Variants in C12orf42 observed in about 807,000 individuals in gnomAD.
C12orf42 encodes the protein chromosome 12 open reading frame 42.
Under a neutral mutation model 21.6 loss-of-function variants are expected in C12orf42, and 25 were observed. The ratio of observed to expected loss-of-function variants is 1.16; its 90% CI spans 0.84 to 1.62. The LOEUF is 1.62. C12orf42 is among the 40% of genes most tolerant of loss of function. C12orf42 has a pLI of 0.00. For synonymous variants in C12orf42, 174 were observed against 175.0 expected, an observed-to-expected ratio of 0.99 and a Z score of 0.05; for missense variants, 483 against 459.3, an observed-to-expected ratio of 1.05 and a Z score of -0.47.
the C12orf42 span, among the ~76,000 whole-genome samples, chr12:103,519,067 A>G: frequency 6.6e-6 from 1 of 152,072 alleles, no homozygotes; most frequent in Non-Finnish European, 1.5e-5. Flanking sequence ...CATGATAGTG[A>G]GTGAGTTCTT....
the C12orf42 span, among the ~76,000 whole-genome samples, chr12:103,145,542 GC>G: frequency 2.3e-4 from 35 of 152,174 alleles, no homozygotes; most frequent in Admixed American, 5.9e-4. Context: ...AATTGATACA[GC>G]CTATGCCATG....
chr12:103,470,259 C>G (rs900045642), intron 2 of C12orf42, among the ~76,000 whole-genome samples: 2 of 152,204 alleles, frequency 1.3e-5, no homozygotes, highest in Non-Finnish European at 2.9e-5. Flanking sequence ...GTGGTCCTGA[C>G]ATCTGGCAGC....
the C12orf42 span, among the ~76,000 whole-genome samples, chr12:103,099,532 A>T: frequency 6.6e-6 from 1 of 152,222 alleles, no homozygotes; most frequent in Non-Finnish European, 1.5e-5. Flanking sequence ...AAGAATTTTT[A>T]TCACTTTGAC....
the C12orf42 span, among the ~76,000 whole-genome samples, chr12:103,546,794 T>C: frequency 6.6e-6 from 1 of 152,184 alleles, no homozygotes; most frequent in Non-Finnish European, 1.5e-5. Context: ...AGGAAAGATT[T>C]TCTGACCCTC....
At chr12:103,368,743 A>C (rs1380612701) in intron 4 of C12orf42, 144 bp downstream of exon 4, 1 of 532,778 alleles carries the variant, frequency 1.9e-6, no homozygotes, top group African/African-American at 1.9e-5. Flanking sequence ...TACTAACTTC[A>C]TGAGCCAATG....
chr12:103,361,775 A>ATGT (rs2044136412), intron 4 of C12orf42, among the ~76,000 whole-genome samples: 1 of 151,988 alleles, frequency 6.6e-6, no homozygotes, highest in South Asian at 2.1e-4. Context: ...CAGCAGAGGC[A>ATGT]GCCATAATCT....
chr12:103,439,568 A>G (rs1303745465), intron 2 of C12orf42, among the ~76,000 whole-genome samples: 2 of 137,862 alleles, frequency 1.5e-5, no homozygotes, highest in East Asian at 2.2e-4. Context: ...CAAGAAAAAA[A>G]CAAACAACCC....
At chr12:103,279,977 A>G (rs1337248047) in intron 4 of C12orf42, among the ~76,000 whole-genome samples, 1 of 152,186 alleles carries the variant, frequency 6.6e-6, no homozygotes, top group Non-Finnish European at 1.5e-5. Flanking sequence ...GTTGATCAGG[A>G]AACATTTATT....
chr12:103,154,566 A>T, the C12orf42 span, among the ~76,000 whole-genome samples: 1 of 152,178 alleles, frequency 6.6e-6, no homozygotes. Context: ...AAATATCAGT[A>T]ACATGGAAAA....
chr12:103,525,798 G>A, the C12orf42 span, among the ~76,000 whole-genome samples: 11 of 152,132 alleles, frequency 7.2e-5, no homozygotes. Flanking sequence ...GAGAGGCCAA[G>A]GCAGATGAAT....
At chr12:103,278,648 G>A (rs541119322) in intron 4 of C12orf42, among the ~76,000 whole-genome samples, 58 of 152,350 alleles carry the variant, frequency 3.8e-4, no homozygotes, top group African/African-American at 1.3e-3. Context: ...TGAAACAGCA[G>A]GCAGGAGAGA....
chr12:103,114,264 G>A, the C12orf42 span, among the ~76,000 whole-genome samples: 2 of 152,200 alleles, frequency 1.3e-5, no homozygotes, highest in East Asian at 3.9e-4. Context: ...AGAAAGATCA[G>A]TTTAGACGGT....
At chr12:103,120,478 A>G in the C12orf42 span, among the ~76,000 whole-genome samples, 1 of 152,160 alleles carries the variant, frequency 6.6e-6, no homozygotes, top group Non-Finnish European at 1.5e-5. Flanking sequence ...AGCATGCTAG[A>G]GGTAAGAATG....
intron 2 of C12orf42, among the ~76,000 whole-genome samples, chr12:103,462,992 CTTAAG>C (rs1350070518): frequency 1.3e-5 from 2 of 152,310 alleles, no homozygotes; most frequent in African/African-American, 4.8e-5. Flanking sequence ...CAGCAAAACG[CTTAAG>C]TTATTTGAGC....
chr12:103,174,768 A>C, the C12orf42 span, among the ~76,000 whole-genome samples: 3 of 152,182 alleles, frequency 2.0e-5, no homozygotes, highest in East Asian at 3.8e-4. Flanking sequence ...ATCTTCTAAC[A>C]GTTTTAAATT....
intron 2 of C12orf42, among the ~76,000 whole-genome samples, chr12:103,411,505 G>A (rs1446143052): frequency 6.6e-6 from 1 of 152,188 alleles, no homozygotes; most frequent in East Asian, 1.9e-4. Flanking sequence ...AAACTCATGT[G>A]TTGAAATCTA....
chr12:103,148,752 T>A, the C12orf42 span, among the ~76,000 whole-genome samples: 1 of 152,236 alleles, frequency 6.6e-6, no homozygotes, highest in African/African-American at 2.4e-5. Flanking sequence ...ATAATTTACT[T>A]AATCCATGTG....
the C12orf42 span, among the ~76,000 whole-genome samples, chr12:103,184,802 A>G: frequency 6.7e-6 from 1 of 148,192 alleles, no homozygotes; most frequent in Admixed American, 6.9e-5. Context: ...TAAAAAGGTA[A>G]CTAAGAAAAA....
At chr12:103,068,969 A>ATATATG in the C12orf42 span, among the ~76,000 whole-genome samples, 1 of 91,716 alleles carries the variant, frequency 1.1e-5, no homozygotes, top group Non-Finnish European at 2.1e-5. Flanking sequence ...ATATATATAT[A>ATATATG]TATATATATA....
Sources: gnomAD v4.1 joint callset for allele counts (sites outside exome capture counted in the v4.1 genomes callset) on GRCh38, gnomAD v4.1.1 for gene constraint, MANE v1.5 for transcripts, NCBI Gene and HGNC (gene_info 2026-07-23, HGNC 2026-07-21) for gene names.